Variants in CSMD3 observed in about 807,000 individuals in gnomAD.
CSMD3 encodes the protein CUB and Sushi multiple domains 3, also known as CUB and sushi domain-containing protein 3.
CSMD3 carries 177 observed loss-of-function variants against 435.2 expected under a neutral mutation model. The observed-to-expected ratio is 0.41, with a 90% CI of 0.36 to 0.46. The LOEUF (loss-of-function observed/expected upper bound fraction) is 0.46. Among genes scored for constraint, CSMD3 ranks in the 20% least tolerant of loss-of-function variants. CSMD3 has a pLI of 0.34. For synonymous variants in CSMD3, 1,656 were observed against 1,520.5 expected (o/e 1.09, Z -2.07); for missense variants, 4,265 against 4,504.6 (o/e 0.95, Z 1.52).
In CSMD3 at chr8:113,082,300, C is replaced by T. The variant is rs2089597859; in HGVS notation, c.917+16456G>A. On this transcript the variant is annotated intron_variant, in intron 5 of 70. Transcript: ENST00000297405. ...ACCCCCGATCAGCTTGTCCACTGTC[C>T]CTGTTCCCAGCAAAGCTGCATCCAG... Among the ~76,000 whole-genome samples the T allele has an allele frequency of 2.0e-5, 3 of 152,154 alleles. No individual in the cohort carries two copies. In the South Asian group the frequency reaches 6.2e-4, roughly 32 times the overall value.
intron 15 of CSMD3, 81 bp from the exon 16 acceptor site, chr8:112,682,717 A>G: frequency 2.2e-6 from 2 of 919,724 alleles, no homozygotes; most frequent in South Asian, 1.3e-5. Flanking sequence ...TGGAAAAGAG[A>G]GAGAGAGAAA....
Position 113,231,574 on chromosome 8 carries a change from T to C in CSMD3, c.514+47018A>G, listed in dbSNP as rs1446007846. ...GTGATCAATTTTAATTTTGAGTGCA[T>C]TGTTAAAAAAATTATTTGTAGAGAA... On this transcript the variant is annotated intron_variant, in intron 3 of 70. Coordinates refer to ENST00000297405, the MANE Select transcript of CSMD3 (RefSeq NM_198123.2). Among the ~76,000 whole-genome samples the C allele has an allele frequency of 2.6e-5, 4 of 151,624 alleles. No homozygotes were observed. The East Asian group carries it at 7.7e-4, about 29-fold the overall frequency.
chr8:112,924,656 C>T (rs2082856289), intron 9 of CSMD3, among the ~76,000 whole-genome samples: 3 of 151,722 alleles, frequency 2.0e-5, no homozygotes, highest in Admixed American at 2.0e-4. Flanking sequence ...TGTTTTGCTA[C>T]TATACTAAAG....
At chr8:113,086,565 A>G (rs2089788316) in intron 5 of CSMD3, among the ~76,000 whole-genome samples, 1 of 152,132 alleles carries the variant, frequency 6.6e-6, no homozygotes, top group Non-Finnish European at 1.5e-5. Context: ...ATTCTAATTT[A>G]TTTTGTTAAA....
At chr8:112,823,942 T>C (rs2079601083) in intron 12 of CSMD3, among the ~76,000 whole-genome samples, 1 of 152,086 alleles carries the variant, frequency 6.6e-6, no homozygotes, top group Non-Finnish European at 1.5e-5. Flanking sequence ...TCTGCTACTA[T>C]TGTGTGGGAG....
At chr8:113,055,808 G>C (rs957023044) in intron 5 of CSMD3, among the ~76,000 whole-genome samples, 4 of 152,146 alleles carry the variant, frequency 2.6e-5, no homozygotes, top group African/African-American at 9.7e-5. Flanking sequence ...GTAGAGGCAA[G>C]GCATTTGGCA....
chr8:112,244,277 A>T, intron 65 of CSMD3, 117 bp downstream of exon 65: 1 of 814,348 alleles, frequency 1.2e-6, no homozygotes, highest in East Asian at 2.6e-5. Flanking sequence ...CTAGACTTGG[A>T]GTTAGCCAAC....
At chr8:112,312,584 T>G (rs1267698118) in intron 49 of CSMD3, among the ~76,000 whole-genome samples, 1 of 152,124 alleles carries the variant, frequency 6.6e-6, no homozygotes, top group Non-Finnish European at 1.5e-5. Context: ...ACACGTCTAC[T>G]TTGATTGCAT....
At chr8:112,475,595 T>C (rs181513940) in intron 31 of CSMD3, among the ~76,000 whole-genome samples, 278 of 152,230 alleles carry the variant, frequency 1.8e-3, no homozygotes, top group African/African-American at 6.4e-3. Flanking sequence ...TGTAATTTGT[T>C]TTACCTTAGG....
chr8:112,521,922 TA>T (rs1038692234), intron 27 of CSMD3, among the ~76,000 whole-genome samples: 13 of 151,762 alleles, frequency 8.6e-5, no homozygotes, highest in African/African-American at 2.7e-4. Flanking sequence ...AATAACCATA[TA>T]AAAATATGTT....
intron 3 of CSMD3, among the ~76,000 whole-genome samples, chr8:113,259,942 G>A (rs2093413737): frequency 6.6e-6 from 1 of 151,974 alleles, no homozygotes; most frequent in African/African-American, 2.4e-5. Flanking sequence ...TCATGGGGGT[G>A]GTTTCTCCCA....
intron 22 of CSMD3, among the ~76,000 whole-genome samples, chr8:112,608,103 A>C (rs1023938128): frequency 2.0e-5 from 3 of 152,186 alleles, no homozygotes; most frequent in African/African-American, 7.2e-5. Flanking sequence ...TTAATTCAGT[A>C]AAATTGCAGG....
chr8:113,059,086 C>T (rs1219608674), intron 5 of CSMD3, among the ~76,000 whole-genome samples: 1 of 152,108 alleles, frequency 6.6e-6, no homozygotes, highest in Non-Finnish European at 1.5e-5. Context: ...AAAGCCTACT[C>T]ATGATTCCCC....
chr8:112,373,683 G>T (rs772682042), intron 38 of CSMD3, among the ~76,000 whole-genome samples: 1 of 152,034 alleles, frequency 6.6e-6, no homozygotes, highest in African/African-American at 2.4e-5. Context: ...ACAGATTCTT[G>T]AATTGTCACA....
chr8:112,938,281 C>G (rs1005135847), intron 9 of CSMD3, among the ~76,000 whole-genome samples: 3 of 152,192 alleles, frequency 2.0e-5, no homozygotes, highest in African/African-American at 7.2e-5. Flanking sequence ...TAACATTTCT[C>G]CTTTAATGAA....
intron 1 of CSMD3, among the ~76,000 whole-genome samples, chr8:113,433,085 C>G (rs1409489437): frequency 6.6e-6 from 1 of 152,166 alleles, no homozygotes; most frequent in African/African-American, 2.4e-5. Flanking sequence ...CCTGTCCAAA[C>G]TACAGCAGGA....
At chr8:112,225,912 C>G (rs115259357) in intron 70 of CSMD3, among the ~76,000 whole-genome samples, 82 of 152,166 alleles carry the variant, frequency 5.4e-4, no homozygotes, top group African/African-American at 1.7e-3. Flanking sequence ...ATCTTTCCCA[C>G]GAAGCATGTA....
At chr8:113,056,371 CA>C (rs200601495) in intron 5 of CSMD3, among the ~76,000 whole-genome samples, 10,162 of 152,164 alleles carry the variant, frequency 0.067, 454 homozygotes, top group Non-Finnish European at 0.095. Context: ...AGCAGCATAC[CA>C]AAGCAGAGAT....
At chr8:112,818,344 T>G (rs1011853406) in intron 12 of CSMD3, among the ~76,000 whole-genome samples, 79 of 152,216 alleles carry the variant, frequency 5.2e-4, no homozygotes, top group African/African-American at 1.8e-3. Flanking sequence ...ACTTAAATAT[T>G]TTGATATGAG....
Sources: allele counts gnomAD v4.1 joint callset (sites outside exome capture counted in the v4.1 genomes callset), GRCh38; gene constraint gnomAD v4.1.1; transcripts MANE v1.5; gene names NCBI Gene and HGNC (gene_info 2026-07-23, HGNC 2026-07-21).